TJP2: variants seen among roughly 807,000 people sequenced by gnomAD.
The protein encoded by TJP2 is Friedreich ataxia region gene X104 (tight junction protein ZO-2).
A neutral mutation model predicts 133.1 loss-of-function variants in TJP2; 91 were observed. The ratio of observed to expected loss-of-function variants is 0.68; its 90% CI spans 0.58 to 0.81. The LOEUF (loss-of-function observed/expected upper bound fraction) is 0.81. TJP2 is among the 40% of genes least tolerant of loss of function. The pLI is 0.00. For synonymous variants in TJP2, 592 were observed against 583.4 expected (o/e 1.01, Z -0.21); for missense variants, 1,541 against 1,565.6 (o/e 0.98, Z 0.26).
At chr9:69,170,447 T>C (rs1824617944), upstream of TJP2, among the ~76,000 whole-genome samples, 1 of 152,228 alleles carries the variant, frequency 6.6e-6, no homozygotes, top group Non-Finnish European at 1.5e-5. Context: ...ATGCCAATTA[T>C]GTTGATTTAC....
intron 1 of TJP2, among the ~76,000 whole-genome samples, chr9:69,196,917 TTA>T (rs1206245674): frequency 3.0e-4 from 26 of 88,052 alleles, no homozygotes; most frequent in African/African-American, 1.1e-3. Flanking sequence ...TTTGCTTGTT[TTA>T]TATATATATG....
At chr9:69,123,968 C>A (rs1822245399) in intron 1 of TJP2, among the ~76,000 whole-genome samples, 1 of 75,842 alleles carries the variant, frequency 1.3e-5, no homozygotes, top group Non-Finnish European at 3.0e-5. Flanking sequence ...CCCAGGTTCA[C>A]GCCATTCTCC....
intron 1 of TJP2, among the ~76,000 whole-genome samples, chr9:69,195,508 C>A (rs1459863014): frequency 6.6e-6 from 1 of 151,962 alleles, no homozygotes. Context: ...GCTGTGGGGC[C>A]TTGCCATGGG....
chr9:69,191,417 T>C (rs1476595999), intron 1 of TJP2, among the ~76,000 whole-genome samples: 1 of 152,210 alleles, frequency 6.6e-6, no homozygotes, highest in Non-Finnish European at 1.5e-5. Context: ...TTCCAAACAG[T>C]TCGTTATTTC....
At chr9:69,237,447 C>G (rs1316145960) in intron 14 of TJP2, among the ~76,000 whole-genome samples, 2 of 152,156 alleles carry the variant, frequency 1.3e-5, no homozygotes, top group South Asian at 2.1e-4. Context: ...GGGAGGATCA[C>G]TTGAGCTCAG....
chr9:69,218,398 T>G (rs769861085), intron 4 of TJP2, 39 bp downstream of exon 4: 7 of 1,531,538 alleles, frequency 4.6e-6, no homozygotes, highest in Non-Finnish European at 6.3e-6. Context: ...CTTAATAGCA[T>G]TTTGGTTTTT....
chr9:69,185,420 C>T (rs951452910), intron 1 of TJP2, among the ~76,000 whole-genome samples: 6 of 152,204 alleles, frequency 3.9e-5, no homozygotes, highest in Non-Finnish European at 8.8e-5. Flanking sequence ...ATGGATGCCA[C>T]TGTAAGAGCT....
In TJP2 at chr9:69,218,313, C is replaced by A; in HGVS notation, c.296C>A (p.Ser99Ter). The change falls in exon 4 of 23, where the codon TCG becomes TAG. Residue 99 changes from serine to a stop codon, truncating the protein, a stop_gained. Coordinates refer to ENST00000377245, the MANE Select transcript of TJP2 (RefSeq NM_004817.4). LOFTEE classifies it high-confidence loss of function. Reference protein sequence around the residue: ...NGTPMEDVLHSFAVQQLRKSG... With the variant: ...NGTPMEDVLH Reference sequence around the variant, plus strand: ...ACCCCCATGGAGGATGTGCTTCATTCGTTTGCAGTTCAGCAGCTCAGAAAA... The same window carrying A: ...ACCCCCATGGAGGATGTGCTTCATTAGTTTGCAGTTCAGCAGCTCAGAAAA... 5 of 1,614,170 alleles carry A rather than the reference C, an allele frequency of 3.1e-6. No individual in the cohort carries two copies. The highest frequency in any genetic ancestry group is 4.2e-6 in the Non-Finnish European group (5 of 1,180,036).
At position 69,248,195 on chromosome 9, in the gene TJP2, C is replaced by T. The variant is rs771756670; in HGVS notation, c.2851C>T (p.Arg951Cys). The change falls in exon 19 of 23, where the codon CGC becomes TGC. Residue 951 changes from arginine to cysteine, a missense_variant. Coordinates refer to ENST00000377245, the MANE Select transcript of TJP2 (RefSeq NM_004817.4). ...GGAGCCGCTGGTGTCGTCCATCACC[C>T]GCTCCTCGGAGCCGGTGCAGCACGA... is the stretch of plus-strand genomic sequence containing the variant. The part of the protein sequence containing the change: ...AEEPLVSSIT[R>C]SSEPVQHEES... 5.3e-5 allele frequency: 86 copies of T among 1,609,760 alleles called. No individual in the cohort carries two copies. The highest frequency in any genetic ancestry group is 2.4e-4 in the Admixed American group (14 of 59,142).
chr9:69,144,981 G>A (rs574924081), intron 1 of TJP2, among the ~76,000 whole-genome samples: 99 of 152,286 alleles, frequency 6.5e-4, no homozygotes, highest in Middle Eastern at 6.8e-3. Context: ...AAAGCCAAGA[G>A]GAGACTTAAA....
At position 69,249,483 on chromosome 9, in the gene TJP2, A is replaced by C. The variant is rs775892454; in HGVS notation, c.2989A>C (p.Lys997Gln). The C allele has an allele frequency of 6.2e-7, 1 of 1,602,530 alleles. No homozygotes were observed. Among genetic ancestry groups the C allele is most frequent in the African/African-American group, 1.3e-5 (1 of 74,662 alleles). ...PPPAFKPEPP[K>Q]AKTQNKEESY... Reference sequence around the variant, plus strand: ...CCCAGCATTCAAGCCAGAGCCGCCCAAGGTACGTGGCTGGGAAGCCCAGGA... The same window carrying C: ...CCCAGCATTCAAGCCAGAGCCGCCCCAGGTACGTGGCTGGGAAGCCCAGGA... Residue 997 changes from lysine (K) to glutamine (Q), a missense_variant and splice_region_variant, in exon 20 of 23, where the codon AAG becomes CAG. Coordinates refer to ENST00000377245, the MANE Select transcript of TJP2 (RefSeq NM_004817.4).
chr9:69,216,217 G>A (rs998319657), intron 2 of TJP2, 122 bp from the exon 3 acceptor site: 13 of 1,174,586 alleles, frequency 1.1e-5, no homozygotes, highest in African/African-American at 1.5e-5. Flanking sequence ...GTTTCTGTAA[G>A]CCCATCTGTT....
intron 1 of TJP2, among the ~76,000 whole-genome samples, chr9:69,190,179 CTG>C (rs1255735136): frequency 1.3e-5 from 2 of 152,218 alleles, no homozygotes; most frequent in African/African-American, 4.8e-5. Context: ...ACCTCCCTCA[CTG>C]TCTTTTTCTG....
chr9:69,158,809 T>C (rs1286433906), intron 2 of TJP2, among the ~76,000 whole-genome samples: 1 of 152,162 alleles, frequency 6.6e-6, no homozygotes, highest in African/African-American at 2.4e-5. Context: ...AAGAATTTGC[T>C]TCTAGTTCTG....
chr9:69,136,079 A>G (rs867345661), intron 1 of TJP2, among the ~76,000 whole-genome samples: 4 of 152,278 alleles, frequency 2.6e-5, no homozygotes, highest in Middle Eastern at 3.4e-3. Flanking sequence ...TCAAAGAGAT[A>G]TTATTTCTTG....
Position 69,216,342 on chromosome 9 carries a change from TC to T in TJP2, c.120del (p.Arg42GlufsTer101), listed in dbSNP as rs1358228134. On this transcript the variant is annotated frameshift_variant, in exon 3 of 23. Coordinates refer to ENST00000377245, the MANE Select transcript of TJP2 (RefSeq NM_004817.4). LOFTEE classifies it high-confidence loss of function. ...ATTTCTCCTCTCTGATGTACAGGAT[TC>T]CAAAAGAGGATTTGGAATTGCAGTG... ...EQYTVTLQKDSKRGFGIAVSG... is the reference protein window; with the variant it reads ...EQYTVTLQKDXKRGFGIAVSG... 6.2e-7 allele frequency: 1 copy of T among 1,614,180 alleles called. No individual in the cohort carries two copies. Among genetic ancestry groups the T allele is most frequent in the Non-Finnish European group, 8.5e-7 (1 of 1,180,024 alleles).
At chr9:69,250,701 G>A (rs1713610697) in intron 20 of TJP2, among the ~76,000 whole-genome samples, 1 of 152,178 alleles carries the variant, frequency 6.6e-6, no homozygotes. Context: ...CCCAAAGCCT[G>A]AATTGTTCTG....
intron 18 of TJP2, 67 bp from the exon 19 acceptor site, chr9:69,247,945 T>G: frequency 6.8e-7 from 1 of 1,463,576 alleles, no homozygotes; most frequent in East Asian, 2.3e-5. Flanking sequence ...CCTTGGGAAT[T>G]TTCTTGAGTC....
chr9:69,122,209 G>C (rs1329393865), intron 1 of TJP2: 2 of 152,266 alleles, frequency 1.3e-5, no homozygotes, highest in African/African-American at 4.8e-5. Context: ...CGATTAAAAG[G>C]GCCTTTGAAT....
Sources: allele counts gnomAD v4.1 joint callset (sites outside exome capture counted in the v4.1 genomes callset), GRCh38; gene constraint gnomAD v4.1.1; transcripts MANE v1.5; gene names NCBI Gene and HGNC (gene_info 2026-07-23, HGNC 2026-07-21).